The following MAPT variants were observed in gnomAD, a reference collection of about 807,000 sequenced individuals.
MAPT encodes the protein microtubule-associated protein tau.
MAPT carries 34 observed loss-of-function variants against 67.9 expected under a neutral mutation model. That is an observed-to-expected ratio of 0.50 (90% CI 0.38 to 0.67). The LOEUF is 0.67. MAPT is among the 30% of genes least tolerant of loss of function. The pLI, the probability that MAPT is intolerant of heterozygous loss-of-function variation, is 0.00. For missense variants in MAPT, 881 were observed against 1,115.2 expected, an observed-to-expected ratio of 0.79 and a Z score of 2.99; for synonymous variants, 456 against 464.5, an observed-to-expected ratio of 0.98 and a Z score of 0.23.
At chr17:45,993,981 C>T in intron 8 of MAPT, 2 of 1,567,100 alleles carry the variant, frequency 1.3e-6, no homozygotes, top group Non-Finnish European at 1.7e-6. Context: ...GAGAGAGGTA[C>T]TCGGGAGCCT....
chr17:45,990,169 C>T, intron 7 of MAPT, 94 bp downstream of exon 7: 4 of 1,160,498 alleles, frequency 3.4e-6, no homozygotes, highest in Non-Finnish European at 5.1e-6. Flanking sequence ...AAAGACCTTT[C>T]TTCAAATGAG....
intron 1 of MAPT, among the ~76,000 whole-genome samples, chr17:45,912,704 T>A (rs1199601174): frequency 6.6e-6 from 1 of 152,232 alleles, no homozygotes; most frequent in Admixed American, 6.5e-5. Flanking sequence ...GCCACAGGAA[T>A]CAAAAACAGT....
intron 1 of MAPT, among the ~76,000 whole-genome samples, chr17:45,925,640 G>A (rs1226265026): frequency 6.6e-6 from 1 of 152,208 alleles, no homozygotes; most frequent in African/African-American, 2.4e-5. Flanking sequence ...AGATAGAATA[G>A]TATGTAGCCA....
In MAPT at chr17:45,922,959, C is replaced by T. The variant is rs372353970; in HGVS notation, c.-18+28273C>T. ...CCAATGTCTTCCGGGAGCCCTGTGG[C>T]GAGTGACAGAGCCTGGACTCTGGAG... On this transcript the variant is annotated intron_variant, in intron 1 of 12. Coordinates refer to ENST00000262410, the MANE Select transcript of MAPT (RefSeq NM_001377265.1). 1.6e-4 allele frequency among the ~76,000 whole-genome samples: 25 copies of T among 152,326 alleles called. No individual in the cohort carries two copies. The East Asian group carries it at 4.2e-3, about 26-fold the overall frequency.
At position 45,996,775 on chromosome 17, in the gene MAPT, G is replaced by T; in HGVS notation, c.1998+111G>T. Reference sequence around the variant, plus strand: ...GAGGTGCGCGGTTGAGCGTGGAGTCGTGGGACTGTGCATGGAGGTGTGGGG... The same window carrying T: ...GAGGTGCGCGGTTGAGCGTGGAGTCTTGGGACTGTGCATGGAGGTGTGGGG... On this transcript the variant is annotated intron_variant, in intron 9 of 12. Transcript: ENST00000262410. This position sits in a 1 kb window ranked among gnomAD's most constrained non-coding sequence, Gnocchi z 4.5. 6.9e-7 allele frequency: 1 copy of T among 1,449,640 alleles called. No homozygotes were observed. Among genetic ancestry groups the T allele is most frequent in the South Asian group, 1.3e-5 (1 of 75,438 alleles). 89.8% of individuals were successfully genotyped at this position (1,449,640 alleles called of 1,614,324 possible). A position where few individuals can be genotyped will look rare whatever the true frequency, so the allele number is the denominator to read the frequency against.
rs2073267939 is a variant in MAPT at position 45,983,896 on chromosome 17, G to A, written c.1317G>A (p.Arg439=). The A allele has an allele frequency of 1.8e-5, 28 of 1,584,712 alleles. No individual in the cohort carries two copies. The highest frequency in any genetic ancestry group is 2.3e-5 in the Non-Finnish European group (27 of 1,168,722). The part of the protein sequence containing the change: ...PSEKQPAAAP[R]GKPVSRVPQL... ...AAAAGCAGCCTGCTGCTGCTCCGCG[G>A]GGGAAGCCCGTCAGCCGGGTCCCTC... The change falls in exon 5 of 13, where the codon CGG becomes CGA. Residue 439 remains arginine, a synonymous_variant. Transcript: ENST00000262410.
chr17:45,954,825 A>C (rs1383268440), intron 1 of MAPT, among the ~76,000 whole-genome samples: 1 of 148,644 alleles, frequency 6.7e-6, no homozygotes, highest in Non-Finnish European at 1.5e-5. Context: ...CTAAAAATAC[A>C]AAAAAAAAAT....
At chr17:45,961,425 G>A (rs1419640731) in intron 1 of MAPT, among the ~76,000 whole-genome samples, 2 of 152,218 alleles carry the variant, frequency 1.3e-5, no homozygotes, top group Non-Finnish European at 2.9e-5. Context: ...GAACACACAC[G>A]TGGGGGACCT....
At chr17:45,997,738 C>T (rs1481729000) in intron 9 of MAPT, among the ~76,000 whole-genome samples, 1 of 152,158 alleles carries the variant, frequency 6.6e-6, no homozygotes, top group Non-Finnish European at 1.5e-5. Context: ...CCAGTTTGAG[C>T]AACAGAGCGA....
chr17:45,965,788 C>T (rs1312063896), intron 2 of MAPT, among the ~76,000 whole-genome samples: 2 of 152,140 alleles, frequency 1.3e-5, no homozygotes, highest in Admixed American at 6.5e-5. Flanking sequence ...ATAGTAAATG[C>T]CACTCTACTT....
chr17:45,983,284 T>G lies in MAPT; in HGVS notation c.705T>G (p.Pro235=). The G allele has an allele frequency of 6.3e-7, 1 of 1,598,546 alleles. No individual in the cohort carries two copies. The highest frequency in any genetic ancestry group is 8.5e-7 in the Non-Finnish European group (1 of 1,173,076). The change falls in exon 5 of 13, where the codon CCT becomes CCG. Residue 235 remains proline, a synonymous_variant. Transcript: ENST00000262410. ...GCATGCCTGGGGCTCCCCTCCTGCC[T>G]GAGGGCCCCAGAGAGGCCACACGCC... is the stretch of plus-strand genomic sequence containing the variant. ...MSGMPGAPLL[P]EGPREATRQP...
intron 8 of MAPT, among the ~76,000 whole-genome samples, chr17:45,994,352 C>T (rs568982709): frequency 2.0e-5 from 3 of 152,320 alleles, no homozygotes; most frequent in African/African-American, 7.2e-5. Context: ...ACCAAGCCCA[C>T]TGGTCACCCT....
intron 1 of MAPT, among the ~76,000 whole-genome samples, chr17:45,927,657 TTCAGTCAACCACCCTAGCTC>T (rs1228172566): frequency 6.6e-6 from 1 of 152,112 alleles, no homozygotes; most frequent in Non-Finnish European, 1.5e-5. Context: ...ACATACCCCC[TTCAGTCAACCACCCTAGCTC>T]TCTTCTCCTT....
chr17:45,958,142 T>C (rs1336041909), intron 1 of MAPT, among the ~76,000 whole-genome samples: 2 of 152,098 alleles, frequency 1.3e-5, no homozygotes, highest in African/African-American at 2.4e-5. Context: ...CCTAAAAATA[T>C]TCCAGATGAA....
intron 1 of MAPT, among the ~76,000 whole-genome samples, chr17:45,939,446 G>T (rs1439468967): frequency 6.6e-6 from 1 of 152,064 alleles, no homozygotes; most frequent in African/African-American, 2.4e-5. Context: ...ATCTCATTTT[G>T]TTTTTTGTTT....
chr17:45,973,131 C>T (rs1568259783), intron 3 of MAPT: 1 of 152,214 alleles, frequency 6.6e-6, no homozygotes, highest in East Asian at 1.9e-4. Flanking sequence ...TCTCCCCAAG[C>T]ATCCACCTTT....
intron 11 of MAPT, among the ~76,000 whole-genome samples, chr17:46,015,740 G>A (rs554470355): frequency 6.6e-6 from 1 of 152,138 alleles, no homozygotes; most frequent in African/African-American, 2.4e-5. Context: ...GTAACACAAA[G>A]GACAAATGTT....
intron 1 of MAPT, among the ~76,000 whole-genome samples, chr17:45,953,003 TATGATG>T (rs72430786): frequency 1.6e-4 from 24 of 149,526 alleles, no homozygotes; most frequent in Middle Eastern, 3.4e-3. Flanking sequence ...TCATAACACC[TATGATG>T]ATGATGATGA....
intron 1 of MAPT, among the ~76,000 whole-genome samples, chr17:45,942,927 G>A (rs2068127332): frequency 6.6e-6 from 1 of 152,228 alleles, no homozygotes; most frequent in South Asian, 2.1e-4. Context: ...TGGACTCCAG[G>A]CAGCCTGGTC....
Sources: allele counts gnomAD v4.1 joint callset (sites outside exome capture counted in the v4.1 genomes callset), GRCh38; gene constraint gnomAD v4.1.1; non-coding constraint Gnocchi (gnomAD v3.1); transcripts MANE v1.5; gene names NCBI Gene and HGNC (gene_info 2026-07-23, HGNC 2026-07-21).